The following AVEN variants were observed in gnomAD, a reference collection of about 807,000 sequenced individuals.
AVEN encodes the protein apoptosis and caspase activation inhibitor, also known as cell death regulator Aven.
AVEN carries 41 observed loss-of-function variants against 38.1 expected under a neutral mutation model. The ratio of observed to expected loss-of-function variants is 1.08; its 90% CI spans 0.84 to 1.40. The LOEUF (loss-of-function observed/expected upper bound fraction) is 1.40. AVEN is among the 40% of genes most tolerant of loss of function. The probability of loss-of-function intolerance (pLI) is 0.00; values close to 1 mark genes in which losing one functional copy is unlikely to be tolerated. For synonymous variants in AVEN, 206 were observed against 171.8 expected, an observed-to-expected ratio of 1.20 and a Z score of -1.56; for missense variants, 605 against 438.8, an observed-to-expected ratio of 1.38 and a Z score of -3.38.
At chr15:33,899,370 T>C (rs1892385499) in intron 2 of AVEN, among the ~76,000 whole-genome samples, 2 of 152,256 alleles carry the variant, frequency 1.3e-5, no homozygotes, top group Admixed American at 1.3e-4. Context: ...CTATTGTGTT[T>C]AATCTATTTT....
intron 5 of AVEN, among the ~76,000 whole-genome samples, chr15:34,054,850 T>A (rs555153197): frequency 6.6e-6 from 1 of 151,600 alleles, no homozygotes; most frequent in East Asian, 1.9e-4. Context: ...AGATAAATGT[T>A]GGGAAAAAAA....
chr15:33,897,658 G>T (rs1892294447), intron 2 of AVEN, among the ~76,000 whole-genome samples: 1 of 151,532 alleles, frequency 6.6e-6, no homozygotes. Context: ...CAGGAGGATT[G>T]CTTGAGGCCA....
intron 2 of AVEN, among the ~76,000 whole-genome samples, chr15:33,985,416 C>T (rs1246444789): frequency 1.3e-5 from 1 of 75,516 alleles, no homozygotes; most frequent in Non-Finnish European, 2.7e-5. Context: ...TGAGTGCATG[C>T]CCTCAGCTCA....
chr15:33,980,045 A>G (rs1896065863), intron 2 of AVEN, among the ~76,000 whole-genome samples: 3 of 152,224 alleles, frequency 2.0e-5, no homozygotes. Flanking sequence ...TGAGAATAAC[A>G]AGGGAGAAGA....
intron 2 of AVEN, among the ~76,000 whole-genome samples, chr15:33,901,620 A>G (rs1367105810): frequency 6.6e-6 from 1 of 152,192 alleles, no homozygotes; most frequent in Admixed American, 6.5e-5. Flanking sequence ...ATACCAATCC[A>G]CATTCCCACC....
chr15:34,019,060 T>C (rs755256173), intron 1 of AVEN, among the ~76,000 whole-genome samples: 4 of 151,976 alleles, frequency 2.6e-5, no homozygotes, highest in Admixed American at 2.0e-4. Flanking sequence ...AGAGTGCTGA[T>C]TGGTGCATTT....
chr15:33,917,573 C>T (rs1893199528), intron 2 of AVEN, among the ~76,000 whole-genome samples: 1 of 151,572 alleles, frequency 6.6e-6, no homozygotes, highest in Non-Finnish European at 1.5e-5. Context: ...TACACACACA[C>T]ACACACAATG....
intron 2 of AVEN, among the ~76,000 whole-genome samples, chr15:33,923,956 C>T (rs1046133860): frequency 1.9e-5 from 2 of 107,528 alleles, no homozygotes; most frequent in African/African-American, 6.5e-5. Context: ...AAGCTCAGGG[C>T]TCCCACTGAT....
intron 2 of AVEN, among the ~76,000 whole-genome samples, chr15:33,877,607 G>C (rs1891299986): frequency 6.6e-6 from 1 of 152,210 alleles, no homozygotes; most frequent in Admixed American, 6.5e-5. Flanking sequence ...TTGAGGTCAG[G>C]AGTTCAAGAC....
intron 2 of AVEN, among the ~76,000 whole-genome samples, chr15:33,909,131 T>C (rs1272034484): frequency 6.6e-6 from 1 of 152,196 alleles, no homozygotes; most frequent in Non-Finnish European, 1.5e-5. Flanking sequence ...TTCTTAGTGT[T>C]CTGGTTACAA....
At chr15:33,886,090 G>A (rs1450052867) in intron 2 of AVEN, among the ~76,000 whole-genome samples, 1 of 152,176 alleles carries the variant, frequency 6.6e-6, no homozygotes, top group Admixed American at 6.5e-5. Context: ...CTGGCTGCAT[G>A]TAACAAAGAC....
In AVEN at chr15:33,937,067, C is replaced by CT. The variant is rs1198011853; in HGVS notation, c.446-61073dup. On this transcript the variant is annotated intron_variant, in intron 2 of 5. Transcript: ENST00000306730. ...AATGGCGTGAACCCAGGAGGCGGTG[C>CT]TTGCAGTGAGCCGAGATCGCGCCAC... 7.1e-5 allele frequency among the ~76,000 whole-genome samples: 10 copies of CT among 140,196 alleles called. No homozygotes were observed. In the East Asian group the frequency reaches 1.3e-3, roughly 18 times the overall value. 92.0% of individuals were successfully genotyped at this position (140,196 alleles called of 152,430 possible).
At chr15:33,856,263 C>T (rs2079647831), downstream of AVEN, 3 of 152,246 alleles carry the variant, frequency 2.0e-5, no homozygotes, top group Non-Finnish European at 2.9e-5. Context: ...CACTATTCTT[C>T]CCTCAAGTCT....
intron 2 of AVEN, among the ~76,000 whole-genome samples, chr15:33,920,859 T>C (rs1230680116): frequency 3.3e-5 from 5 of 152,262 alleles, no homozygotes; most frequent in East Asian, 3.9e-4. Flanking sequence ...CTGCAGCTTC[T>C]GCCTCCTGGG....
At chr15:33,865,740 C>T (rs1044802069), downstream of AVEN, 3 of 153,364 alleles carry the variant, frequency 2.0e-5, no homozygotes, top group Admixed American at 1.3e-4. Flanking sequence ...AGAAAAAAAC[C>T]GACACTTTGT....
chr15:33,854,811 C>T (rs2079477182), downstream of AVEN: 1 of 1,613,852 alleles, frequency 6.2e-7, no homozygotes, highest in East Asian at 2.2e-5. Context: ...AGTCCTGGGC[C>T]ACTACAATAA....
intron 5 of AVEN, among the ~76,000 whole-genome samples, chr15:34,055,256 G>A (rs1474809963): frequency 2.0e-5 from 3 of 151,466 alleles, no homozygotes; most frequent in Non-Finnish European, 4.4e-5. Flanking sequence ...CCCAGCATTT[G>A]GGAGGCCGAG....
chr15:33,867,690 G>C lies in AVEN; in HGVS notation c.778C>G (p.Pro260Ala). 3 of 1,614,136 alleles carry C rather than the reference G, an allele frequency of 1.9e-6. No homozygotes were observed. Among genetic ancestry groups the C allele is most frequent in the Non-Finnish European group, 1.7e-6 (2 of 1,180,028 alleles). ...GCPVLLGKDN[P>A]SPGPSRDSQK... ...GAATCCCTTGAAGGACCCGGGCTTG[G>C]GTTGTCTTTGCCCAGCAACACAGGG... The change falls in exon 5 of 6, where the codon CCA (proline) becomes GCA (alanine). Residue 260 changes from proline (P) to alanine (A), a missense_variant. Coordinates refer to ENST00000306730, the MANE Select transcript of AVEN (RefSeq NM_020371.3).
intron 2 of AVEN, among the ~76,000 whole-genome samples, chr15:33,899,334 C>A (rs997279048): frequency 6.6e-6 from 1 of 152,066 alleles, no homozygotes; most frequent in African/African-American, 2.4e-5. Flanking sequence ...GAACTAGAAA[C>A]AGCTGGAGGG....
Sources: gnomAD v4.1 joint callset for allele counts (sites outside exome capture counted in the v4.1 genomes callset) on GRCh38, gnomAD v4.1.1 for gene constraint, MANE v1.5 for transcripts, NCBI Gene and HGNC (gene_info 2026-07-23, HGNC 2026-07-21) for gene names.